The following PIK3R6 variants were observed in gnomAD, a reference collection of about 807,000 sequenced individuals.
The protein encoded by PIK3R6 is phosphoinositide 3-kinase regulatory subunit 6.
A neutral mutation model predicts 84.9 loss-of-function variants in PIK3R6; 91 were observed. The observed-to-expected ratio is 1.07, with a 90% CI of 0.90 to 1.28. The LOEUF is 1.28. Ranked by LOEUF, PIK3R6 falls within the 50% of genes most tolerant of loss-of-function variation. PIK3R6 has a pLI of 0.00. For missense variants in PIK3R6, 996 were observed against 985.1 expected, an observed-to-expected ratio of 1.01 and a Z score of -0.15; for synonymous variants, 416 against 411.4, an observed-to-expected ratio of 1.01 and a Z score of -0.13.
Position 8,803,673 on chromosome 17 carries a change from T to C in PIK3R6, c.2109-244A>G, listed in dbSNP as rs187245619. 4.8e-4 allele frequency: 261 copies of C among 547,238 alleles called. No homozygotes were observed. Among genetic ancestry groups the C allele is most frequent in the African/African-American group, 4.5e-3 (236 of 52,668 alleles). 33.9% of individuals were successfully genotyped at this position (547,238 alleles called of 1,614,324 possible). A position where few individuals can be genotyped will look rare whatever the true frequency, so the allele number is the denominator to read the frequency against. ...CATGCCTCCCTTACCCAAACACACCTCCCGAGGGGAAGCCAGTAAGGGTCA... is the reference window on the plus strand; with the variant it reads ...CATGCCTCCCTTACCCAAACACACCCCCCGAGGGGAAGCCAGTAAGGGTCA... On this transcript the variant is annotated intron_variant, in intron 19 of 19. Transcript: ENST00000619866. The surrounding 1 kb of genome is among the most constrained non-coding windows in gnomAD (Gnocchi z 5.0).
chr17:8,832,406 G>A (rs1360740327), intron 9 of PIK3R6, among the ~76,000 whole-genome samples: 2 of 109,396 alleles, frequency 1.8e-5, no homozygotes, highest in Non-Finnish European at 3.5e-5. Flanking sequence ...TTTTTGAGAC[G>A]GAGTCTCGCT....
In PIK3R6 at chr17:8,837,301, A is replaced by G. The variant is rs1457880240; in HGVS notation, c.259-378T>C. On this transcript the variant is annotated intron_variant, in intron 5 of 19. Coordinates refer to ENST00000619866, the MANE Select transcript of PIK3R6 (RefSeq NM_001010855.4). Reference sequence around the variant, plus strand: ...TCTCCTTTGCTCCTCCTTGCATCCCACAGGCCTGAAATGCTCCACAGTGCC... The same window carrying G: ...TCTCCTTTGCTCCTCCTTGCATCCCGCAGGCCTGAAATGCTCCACAGTGCC... Among the ~76,000 whole-genome samples, 2 of 151,810 alleles carry G rather than the reference A, an allele frequency of 1.3e-5. 1 individual carries two copies. The highest frequency in any genetic ancestry group is 3.9e-4 in the East Asian group (2 of 5,170).
In PIK3R6 at chr17:8,803,648, C is replaced by T. The variant is rs75781713; in HGVS notation, c.2109-219G>A. The T allele has an allele frequency of 0.041, 23,465 of 568,386 alleles. 569 individuals carry two copies. The highest frequency in any genetic ancestry group is 0.062 in the African/African-American group (3,264 of 53,058). 35.2% of individuals were successfully genotyped at this position (568,386 alleles called of 1,614,324 possible). ...GACACTTGGAGCAAGTAACTCTGCG[C>T]ATGCCTCCCTTACCCAAACACACCT... On this transcript the variant is annotated intron_variant, in intron 19 of 19. Coordinates refer to ENST00000619866, the MANE Select transcript of PIK3R6 (RefSeq NM_001010855.4). The surrounding 1 kb of genome is among the most constrained non-coding windows in gnomAD (Gnocchi z 5.0).
chr17:8,820,112 ATTTT>A (rs550540929), intron 17 of PIK3R6, among the ~76,000 whole-genome samples: 1 of 142,520 alleles, frequency 7.0e-6, no homozygotes, highest in Non-Finnish European at 1.5e-5. Flanking sequence ...ACACTGGCTA[ATTTT>A]TTTTTTTTTG....
At chr17:8,849,090 GA>G (rs11304892) in intron 2 of PIK3R6, among the ~76,000 whole-genome samples, 34,733 of 124,302 alleles carry the variant, frequency 0.28, 4,260 homozygotes, top group African/African-American at 0.39. Context: ...TCCAGGCTTT[GA>G]AAATCAGCCG....
intron 1 of PIK3R6, among the ~76,000 whole-genome samples, chr17:8,860,863 T>C (rs2089264704): frequency 6.6e-6 from 1 of 151,994 alleles, no homozygotes; most frequent in South Asian, 2.1e-4. Context: ...ACCAGCACTA[T>C]CAGCCTGTCC....
At chr17:8,838,874 C>A (rs986293879) in intron 3 of PIK3R6, among the ~76,000 whole-genome samples, 1 of 125,194 alleles carries the variant, frequency 8.0e-6, no homozygotes, top group African/African-American at 3.3e-5. Flanking sequence ...ATTCCCAGGG[C>A]AGAAAGGAGG....
chr17:8,851,070 A>G (rs2088944840), intron 1 of PIK3R6, among the ~76,000 whole-genome samples: 2 of 152,106 alleles, frequency 1.3e-5, no homozygotes, highest in South Asian at 2.1e-4. Context: ...GAAGATTCTC[A>G]GTTTATTGGA....
intron 1 of PIK3R6, among the ~76,000 whole-genome samples, chr17:8,863,072 A>T (rs1268319689): frequency 2.0e-5 from 3 of 152,188 alleles, no homozygotes; most frequent in Non-Finnish European, 1.5e-5. Context: ...ACAGAAAATC[A>T]ACCAAATAAT....
chr17:8,819,647 T>C (rs1425388789), intron 17 of PIK3R6, among the ~76,000 whole-genome samples: 1 of 147,982 alleles, frequency 6.8e-6, no homozygotes, highest in Non-Finnish European at 1.5e-5. Flanking sequence ...TTTTACTTTC[T>C]TTTTTTATTA....
intron 18 of PIK3R6, among the ~76,000 whole-genome samples, chr17:8,818,086 G>A (rs1312474028): frequency 6.6e-6 from 1 of 152,216 alleles, no homozygotes; most frequent in East Asian, 1.9e-4. Context: ...CCAAGGATCC[G>A]CGTGAGCGGG....
At chr17:8,824,551 T>C (rs542402650) in intron 13 of PIK3R6, among the ~76,000 whole-genome samples, 1 of 152,338 alleles carries the variant, frequency 6.6e-6, no homozygotes, top group East Asian at 1.9e-4. Flanking sequence ...CGTAGTCTAA[T>C]AATGCTGTCA....
At chr17:8,824,179 G>A (rs1477123245) in intron 13 of PIK3R6, among the ~76,000 whole-genome samples, 3 of 152,234 alleles carry the variant, frequency 2.0e-5, no homozygotes, top group Non-Finnish European at 4.4e-5. Flanking sequence ...TAAGGCAGGA[G>A]AATCGTTTGA....
chr17:8,866,152 A>T (rs773630329), intron 1 of PIK3R6, among the ~76,000 whole-genome samples: 7 of 152,080 alleles, frequency 4.6e-5, no homozygotes, highest in Non-Finnish European at 8.8e-5. Context: ...CAGTTTCCCT[A>T]TCTTAAAGGG....
At chr17:8,833,122 GC>G (rs2151256751) in intron 8 of PIK3R6, 77 bp from the exon 9 acceptor site, 4 of 1,455,596 alleles carry the variant, frequency 2.7e-6, no homozygotes, top group Non-Finnish European at 3.6e-6. Flanking sequence ...AGTCCGCAGG[GC>G]CCTGGCAGCC....
At chr17:8,829,375 TACAC>T (rs562721798) in intron 10 of PIK3R6, among the ~76,000 whole-genome samples, 2 of 134,960 alleles carry the variant, frequency 1.5e-5, no homozygotes. Context: ...CATGCATGGA[TACAC>T]ACACTGACAC....
chr17:8,811,086 A>G (rs1385146989), intron 18 of PIK3R6, among the ~76,000 whole-genome samples: 1 of 148,838 alleles, frequency 6.7e-6, no homozygotes, highest in Non-Finnish European at 1.5e-5. Context: ...ATCCTCTGAA[A>G]TCTAGATGGA....
In PIK3R6 at chr17:8,835,452, A is replaced by G. The variant is rs1284947549; in HGVS notation, c.466T>C (p.Phe156Leu). The G allele has an allele frequency of 1.3e-6, 2 of 1,561,354 alleles. No homozygotes were observed. The highest frequency in any genetic ancestry group is 1.4e-5 in the African/African-American group (1 of 73,926). The change falls in exon 8 of 20, where the codon TTC becomes CTC. Residue 156 changes from phenylalanine (F) to leucine (L), a missense_variant. Coordinates refer to ENST00000619866, the MANE Select transcript of PIK3R6 (RefSeq NM_001010855.4). ...ACCAGCTCAGGATCCACGAAGAGGA[A>G]CACTCTGAGGGCAGAAGCAGAGGGG... ...NELYPYQERV[F>L]LFVDPELVSA... is the part of the protein sequence containing the mutation.
chr17:8,841,201 A>G (rs1490637052), intron 2 of PIK3R6, among the ~76,000 whole-genome samples: 2 of 152,100 alleles, frequency 1.3e-5, no homozygotes, highest in African/African-American at 2.4e-5. Context: ...TCTAAAGTCA[A>G]TTTAAAGAAT....
Sources: gnomAD v4.1 joint callset for allele counts (sites outside exome capture counted in the v4.1 genomes callset) on GRCh38, gnomAD v4.1.1 for gene constraint, Gnocchi (gnomAD v3.1) non-coding constraint, MANE v1.5 for transcripts, NCBI Gene and HGNC (gene_info 2026-07-23, HGNC 2026-07-21) for gene names.